Variants in EML5 observed in about 807,000 individuals in gnomAD.
The protein encoded by EML5 is echinoderm microtubule-associated protein-like 5.
A neutral mutation model predicts 250.0 loss-of-function variants in EML5; 120 were observed. That is an observed-to-expected ratio of 0.48 (90% CI 0.41 to 0.56). The LOEUF is 0.56. Ranked by LOEUF, EML5 falls within the 20% of genes least tolerant of loss-of-function variation. The probability of loss-of-function intolerance (pLI) is 0.00; values close to 1 mark genes in which losing one functional copy is unlikely to be tolerated. For synonymous variants in EML5, 771 were observed against 806.5 expected (o/e 0.96, Z 0.75); for missense variants, 2,006 against 2,437.6 (o/e 0.82, Z 3.73).
chr14:88,782,581 T>C lies in EML5; in HGVS notation c.197+9726A>G, dbSNP rs2094508457. On this transcript the variant is annotated intron_variant, in intron 1 of 43. Transcript: ENST00000554922. ...TTTCCTGTGCCAGGTCCAAGACACC[T>C]CTGCTACATACAGCCTAGAGACTTG... Among the ~76,000 whole-genome samples, 5 of 152,142 alleles carry C rather than the reference T, an allele frequency of 3.3e-5. No individual in the cohort carries two copies. In the South Asian group the frequency reaches 1.0e-3, roughly 32 times the overall value.
At chr14:88,762,617 A>G (rs1415452855) in intron 1 of EML5, among the ~76,000 whole-genome samples, 2 of 152,174 alleles carry the variant, frequency 1.3e-5, no homozygotes, top group Non-Finnish European at 2.9e-5. Flanking sequence ...CACAAAATTA[A>G]CAAGGATATT....
intron 6 of EML5, among the ~76,000 whole-genome samples, chr14:88,738,428 A>C (rs2093878374): frequency 6.6e-6 from 1 of 151,720 alleles, no homozygotes; most frequent in East Asian, 1.9e-4. Flanking sequence ...AAAAAAAAAA[A>C]ATCCCCCAAT....
At chr14:88,646,851 A>C in intron 29 of EML5, 96 bp downstream of exon 29, 8 of 1,304,348 alleles carry the variant, frequency 6.1e-6, no homozygotes, top group Non-Finnish European at 8.4e-6. Context: ...GAAGAGAGGT[A>C]AAGAACACTA....
chr14:88,705,570 T>C lies in EML5; in HGVS notation c.1844A>G (p.His615Arg), dbSNP rs377256906. 1.3e-6 allele frequency: 2 copies of C among 1,594,518 alleles called. No homozygotes were observed. Among genetic ancestry groups the C allele is most frequent in the Admixed American group, 3.5e-5 (2 of 57,788 alleles). The change falls in exon 12 of 44, where the codon CAT becomes CGT. Residue 615 changes from histidine (H) to arginine (R), a missense_variant. By Grantham distance (29) the His-to-Arg change is conservative (BLOSUM62 0). This residue lies in a region of EML5 where 1,375 missense variants were observed against 1,590.3 expected (regional missense o/e 0.86). Transcript: ENST00000554922. ...IAPQESLADSHSDESDSDLSD... is the reference protein window; with the variant it reads ...IAPQESLADSRSDESDSDLSD... ...CAGATCTGAATCTGATTCATCACTA[T>C]GAGAGTCAGCCAGACTTTCTGTAAT...
At position 88,658,210 on chromosome 14, in the gene EML5, T is replaced by C; in HGVS notation, c.3854A>G (p.Asp1285Gly). ...EKRPCDSEES[D>G]IDSEEDGGYD... is the part of the protein sequence containing the mutation. ...ACCCCCATCTTCTTCAGAATCAATG[T>C]CGGATTCTTCACTATCACAAGGCCT... Residue 1285 changes from aspartate (D) to glycine (G), a missense_variant, in exon 26 of 44, where the codon GAC (aspartate) becomes GGC (glycine). Asp to Gly is a moderately conservative substitution (Grantham distance 94, BLOSUM62 -1). Coordinates refer to ENST00000554922, the MANE Select transcript of EML5 (RefSeq NM_183387.3). The C allele has an allele frequency of 6.2e-7, 1 of 1,613,814 alleles. No individual in the cohort carries two copies.
intron 10 of EML5, among the ~76,000 whole-genome samples, chr14:88,707,309 G>A (rs978264272): frequency 5.1e-5 from 6 of 117,692 alleles, no homozygotes; most frequent in African/African-American, 1.5e-4. Flanking sequence ...TTTATTTATG[G>A]CAGAGACAGG....
At chr14:88,777,942 T>C (rs1162512345) in intron 1 of EML5, among the ~76,000 whole-genome samples, 2 of 152,222 alleles carry the variant, frequency 1.3e-5, no homozygotes, top group Non-Finnish European at 2.9e-5. Flanking sequence ...GCCACTCTAC[T>C]CCTGCCTGGG....
In EML5 at chr14:88,740,314, T is replaced by C. The variant is rs146024371; in HGVS notation, c.711+73A>G. On this transcript the variant is annotated intron_variant, in intron 5 of 43. Transcript: ENST00000554922. Reference sequence around the variant, plus strand: ...ACTGACTAGAAACAATATACTATATTACGCAGTCTATCATTCTAAGACAAG... The same window carrying C: ...ACTGACTAGAAACAATATACTATATCACGCAGTCTATCATTCTAAGACAAG... 1,140 of 1,276,914 alleles carry C rather than the reference T, an allele frequency of 8.9e-4. 3 individuals carry two copies. In the African/African-American group the frequency reaches 9.9e-3, roughly 11 times the overall value. The allele number at this position is 1,276,914 out of a possible 1,614,324, so 79.1% of individuals were successfully genotyped here. A position where few individuals can be genotyped will look rare whatever the true frequency, so the allele number is the denominator to read the frequency against.
intron 25 of EML5, among the ~76,000 whole-genome samples, chr14:88,658,960 A>G (rs1454797450): frequency 6.6e-6 from 1 of 152,160 alleles, no homozygotes; most frequent in Non-Finnish European, 1.5e-5. Flanking sequence ...TTGCTTTGGT[A>G]CACATATATT....
chr14:88,740,407 T>C lies in EML5; in HGVS notation c.691A>G (p.Thr231Ala). The C allele has an allele frequency of 6.2e-7, 1 of 1,611,442 alleles. No individual in the cohort carries two copies. The highest frequency in any genetic ancestry group is 1.1e-5 in the South Asian group (1 of 90,658). The change falls in exon 5 of 44, where the codon ACA becomes GCA. Residue 231 changes from threonine (T) to alanine (A), a missense_variant. This residue lies in a region of EML5 where 1,375 missense variants were observed against 1,590.3 expected (regional missense o/e 0.86). Transcript: ENST00000554922. ...YVWKGINLIRTIQGAHAAGIF... is the reference protein window; with the variant it reads ...YVWKGINLIRAIQGAHAAGIF... ...CTTACAGCATGGGCTCCTTGTATTG[T>C]TCGTATAAGATTGATTCCTTTCCAA...
At chr14:88,769,967 T>C (rs1311082163) in intron 1 of EML5, among the ~76,000 whole-genome samples, 1 of 80,008 alleles carries the variant, frequency 1.2e-5, no homozygotes, top group South Asian at 5.0e-4. Context: ...TTATGTGCAG[T>C]TTTTTTTTTT....
chr14:88,789,942 T>C (rs2140890782), intron 1 of EML5, among the ~76,000 whole-genome samples: 1 of 152,356 alleles, frequency 6.6e-6, no homozygotes. Flanking sequence ...ACTGACTTTT[T>C]ATTACTAAAG....
At position 88,718,806 on chromosome 14, in the gene EML5, A is replaced by G. The variant is rs557052073; in HGVS notation, c.1188-3611T>C. 2.6e-5 allele frequency among the ~76,000 whole-genome samples: 4 copies of G among 152,290 alleles called. No homozygotes were observed. In the South Asian group the frequency reaches 8.3e-4, roughly 32 times the overall value. On this transcript the variant is annotated intron_variant, in intron 8 of 43. Coordinates refer to ENST00000554922, the MANE Select transcript of EML5 (RefSeq NM_183387.3). ...AGGCATGAAACTTAAGATGGGACAC[A>G]TTGAGCATGTTCTAATAGGGCTCTT...
At chr14:88,672,606 C>T (rs1348602095) in intron 21 of EML5, among the ~76,000 whole-genome samples, 1 of 151,634 alleles carries the variant, frequency 6.6e-6, no homozygotes, top group Non-Finnish European at 1.5e-5. Context: ...TTAATGAATC[C>T]AGGGGCCGGT....
intron 24 of EML5, among the ~76,000 whole-genome samples, chr14:88,662,196 A>G (rs2092124875): frequency 6.6e-6 from 1 of 151,718 alleles, no homozygotes; most frequent in South Asian, 2.1e-4. Flanking sequence ...CTTACTAGAA[A>G]TTTAGAACTT....
intron 8 of EML5, among the ~76,000 whole-genome samples, chr14:88,721,886 T>C (rs1368065441): frequency 6.6e-6 from 1 of 152,108 alleles, no homozygotes; most frequent in African/African-American, 2.4e-5. Context: ...AGGTCTGATA[T>C]CCAGAGTCAA....
chr14:88,654,215 A>G (rs1441359664), intron 27 of EML5, among the ~76,000 whole-genome samples: 1 of 151,876 alleles, frequency 6.6e-6, no homozygotes, highest in African/African-American at 2.4e-5. Context: ...TATTTTGTCA[A>G]TCTTTTCAAA....
chr14:88,631,888 T>C (rs2090460076), intron 33 of EML5, among the ~76,000 whole-genome samples: 1 of 152,162 alleles, frequency 6.6e-6, no homozygotes, highest in African/African-American at 2.4e-5. Context: ...AAAGTGACAA[T>C]TTAAAATCTT....
chr14:88,727,864 C>T (rs898333765), intron 7 of EML5, among the ~76,000 whole-genome samples: 8 of 152,082 alleles, frequency 5.3e-5, no homozygotes, highest in Non-Finnish European at 1.0e-4. Flanking sequence ...GAATCTGTTC[C>T]AGACCACAAT....
Sources: gnomAD v4.1 joint callset for allele counts (sites outside exome capture counted in the v4.1 genomes callset) on GRCh38, gnomAD v4.1.1 for gene constraint, gnomAD v4.1.1 regional missense constraint, MANE v1.5 for transcripts, NCBI Gene and HGNC (gene_info 2026-07-23, HGNC 2026-07-21) for gene names.